SGSM1: variants seen among roughly 807,000 people sequenced by gnomAD.
SGSM1 encodes the protein RUN and TBC1 domain containing 2.
A neutral mutation model predicts 133.8 loss-of-function variants in SGSM1; 73 were observed. The observed-to-expected ratio is 0.55, with a 90% CI of 0.45 to 0.66. SGSM1 has a LOEUF of 0.66. Ranked by LOEUF, SGSM1 falls within the 30% of genes least tolerant of loss-of-function variation. The pLI is 0.00. For missense variants in SGSM1, 1,213 were observed against 1,448.1 expected, an observed-to-expected ratio of 0.84 and a Z score of 2.64; for synonymous variants, 563 against 573.0, an observed-to-expected ratio of 0.98 and a Z score of 0.25.
intron 22 of SGSM1, among the ~76,000 whole-genome samples, chr22:24,914,965 A>G (rs1231691759): frequency 6.6e-6 from 1 of 152,046 alleles, no homozygotes; most frequent in Non-Finnish European, 1.5e-5. Context: ...ACGGTTTCTC[A>G]CGCTTGTAAT....
rs767593939 is a variant in SGSM1, at chr22:24,844,908, C to T, written c.75C>T (p.Ile25=). The T allele has an allele frequency of 6.2e-6, 10 of 1,613,798 alleles. No homozygotes were observed. Among genetic ancestry groups the T allele is most frequent in the Non-Finnish European group, 1.7e-6 (2 of 1,179,864 alleles). The change falls in exon 3 of 25, where the codon ATC becomes ATT. Residue 25 remains isoleucine (I), a synonymous_variant. Coordinates refer to ENST00000400358, the MANE Select transcript of SGSM1 (RefSeq NM_001098497.3). Reference sequence around the variant, plus strand: ...CCTTTGCCTTCCAGGTGAAGCAGATCATGGAGGAGGCTGTGACACGCAAGT... The same window carrying T: ...CCTTTGCCTTCCAGGTGAAGCAGATTATGGAGGAGGCTGTGACACGCAAGT... The part of the protein sequence containing the change: ...LRTVKKEVKQ[I]MEEAVTRKFV...
intron 15 of SGSM1, 77 bp downstream of exon 15, chr22:24,884,275 C>A (rs1179354551): frequency 2.0e-6 from 3 of 1,518,648 alleles, no homozygotes; most frequent in Non-Finnish European, 2.7e-6. Flanking sequence ...GAAATAAGCC[C>A]ACATGCTTGT....
chr22:24,916,473 A>G (rs889055166), intron 22 of SGSM1, among the ~76,000 whole-genome samples: 1 of 152,158 alleles, frequency 6.6e-6, no homozygotes, highest in Non-Finnish European at 1.5e-5. Flanking sequence ...CGGGTGGATC[A>G]TCTGAAGCCA....
intron 12 of SGSM1, among the ~76,000 whole-genome samples, chr22:24,872,481 A>G (rs1448315267): frequency 1.3e-5 from 2 of 151,990 alleles, no homozygotes; most frequent in Non-Finnish European, 2.9e-5. Flanking sequence ...CTGGATTTTG[A>G]GACTTTGTTA....
intron 4 of SGSM1, among the ~76,000 whole-genome samples, chr22:24,849,660 G>A (rs1261248775): frequency 3.3e-5 from 5 of 152,242 alleles, no homozygotes; most frequent in African/African-American, 1.2e-4. Flanking sequence ...GGCTGACAGA[G>A]TACAGACCAG....
chr22:24,879,612 C>A, intron 14 of SGSM1, 86 bp downstream of exon 14: 1 of 1,352,608 alleles, frequency 7.4e-7, no homozygotes, highest in Non-Finnish European at 1.0e-6. Flanking sequence ...AAGATACTGG[C>A]TCTGGAGTTT....
intron 16 of SGSM1, among the ~76,000 whole-genome samples, chr22:24,892,865 G>C (rs1408420791): frequency 6.8e-6 from 1 of 147,048 alleles, no homozygotes; most frequent in Non-Finnish European, 1.5e-5. Context: ...TGGCCAACAA[G>C]GTGAAACCCC....
chr22:24,906,173 A>G (rs901453991), intron 21 of SGSM1, among the ~76,000 whole-genome samples: 6 of 152,236 alleles, frequency 3.9e-5, no homozygotes, highest in Non-Finnish European at 8.8e-5. Flanking sequence ...CCACACAATC[A>G]TATCAATTGA....
chr22:24,868,467 C>T lies in SGSM1; in HGVS notation c.1086C>T (p.Phe362=), dbSNP rs755364888. 1.2e-6 allele frequency: 2 copies of T among 1,613,768 alleles called. No individual in the cohort carries two copies. The highest frequency in any genetic ancestry group is 1.3e-5 in the African/African-American group (1 of 74,914). ...RFPKGGHLLQ[F]LSCLENGLLP... is the part of the protein sequence containing the mutation. The stretch of plus-strand genomic sequence containing the variant: ...CCAAGGGCGGGCACCTCCTGCAGTT[C>T]CTCTCGTGCCTGGAGAATGGGCTGC... Residue 362 remains phenylalanine (F), a synonymous_variant, in exon 11 of 25, where the codon TTC becomes TTT. Transcript: ENST00000400358.
intron 14 of SGSM1, among the ~76,000 whole-genome samples, chr22:24,880,076 G>GC (rs1225102729): frequency 4.6e-5 from 7 of 152,140 alleles, no homozygotes; most frequent in African/African-American, 1.7e-4. Flanking sequence ...CTAACAAGCA[G>GC]TAGAGCTGAG....
At chr22:24,813,358 G>A (rs6004295) in intron 2 of SGSM1, among the ~76,000 whole-genome samples, 5,225 of 152,204 alleles carry the variant, frequency 0.034, 308 homozygotes, top group African/African-American at 0.12. Flanking sequence ...CAAGTTTTGG[G>A]GACAAGTTGA....
intron 2 of SGSM1, chr22:24,844,447 A>C (rs997262548): frequency 6.5e-6 from 1 of 153,362 alleles, no homozygotes; most frequent in African/African-American, 2.4e-5. Context: ...AATGGCTTGA[A>C]CCCGGGAGGC....
intron 10 of SGSM1, 41 bp downstream of exon 10, chr22:24,867,201 T>G (rs760317775): frequency 6.3e-7 from 1 of 1,589,760 alleles, no homozygotes; most frequent in Non-Finnish European, 8.6e-7. Flanking sequence ...GTATTCCTCT[T>G]GGATCCCCTG....
intron 2 of SGSM1, among the ~76,000 whole-genome samples, chr22:24,833,196 A>G (rs1343294431): frequency 6.6e-6 from 1 of 151,152 alleles, no homozygotes; most frequent in Non-Finnish European, 1.5e-5. Flanking sequence ...CGGCCTCCCA[A>G]AGTGCTGGGA....
intron 17 of SGSM1, among the ~76,000 whole-genome samples, chr22:24,894,728 A>G (rs1479730523): frequency 1.3e-5 from 2 of 152,298 alleles, no homozygotes; most frequent in East Asian, 3.9e-4. Context: ...ACAGAGAGAA[A>G]GCGGAAATGC....
At chr22:24,896,401 C>T (rs1186146192) in intron 18 of SGSM1, among the ~76,000 whole-genome samples, 2 of 152,018 alleles carry the variant, frequency 1.3e-5, no homozygotes, top group Non-Finnish European at 2.9e-5. Flanking sequence ...AAGTTGGTGA[C>T]ATAACCACAC....
intron 2 of SGSM1, among the ~76,000 whole-genome samples, chr22:24,831,583 G>T (rs1929121712): frequency 6.6e-6 from 1 of 152,154 alleles, no homozygotes; most frequent in Non-Finnish European, 1.5e-5. Context: ...GAGCCTGGAG[G>T]CAGTCAGGGC....
intron 16 of SGSM1, 127 bp downstream of exon 16, chr22:24,886,855 G>A (rs1470688271): frequency 8.0e-7 from 1 of 1,257,208 alleles, no homozygotes; most frequent in African/African-American, 1.5e-5. Flanking sequence ...ATGGGAACCT[G>A]AAGGCGGCGC....
At chr22:24,905,244 C>G in intron 21 of SGSM1, 57 bp downstream of exon 21, 1 of 1,510,478 alleles carries the variant, frequency 6.6e-7, no homozygotes, top group Non-Finnish European at 9.2e-7. Context: ...CACTGCATGG[C>G]AGAAGGCTTA....
Sources: gnomAD v4.1 joint callset for allele counts (sites outside exome capture counted in the v4.1 genomes callset) on GRCh38, gnomAD v4.1.1 for gene constraint, MANE v1.5 for transcripts, NCBI Gene and HGNC (gene_info 2026-07-23, HGNC 2026-07-21) for gene names.